ZNF208: variants seen among roughly 807,000 people sequenced by gnomAD.
ZNF208 encodes zinc finger protein 208.
A neutral mutation model predicts 12.1 loss-of-function variants in ZNF208; 10 were observed. The observed-to-expected ratio is 0.83, with a 90% CI of 0.51 to 1.40. ZNF208 has a LOEUF of 1.40. ZNF208 is among the 40% of genes most tolerant of loss of function. ZNF208 has a pLI of 0.00. For synonymous variants in ZNF208, 497 were observed against 488.4 expected (o/e 1.02, Z -0.23); for missense variants, 1,652 against 1,485.0 (o/e 1.11, Z -1.85).
chr19:21,945,114 C>T (rs1437200619), intron 4 of ZNF208, among the ~76,000 whole-genome samples: 1 of 152,174 alleles, frequency 6.6e-6, no homozygotes, highest in East Asian at 1.9e-4. Context: ...GCATGTACAG[C>T]TACTGTGTCC....
chr19:22,010,049 G>T (rs1450039073), intron 1 of ZNF208, among the ~76,000 whole-genome samples: 1 of 152,062 alleles, frequency 6.6e-6, no homozygotes, highest in Non-Finnish European at 1.5e-5. Context: ...ACCGAGCGTG[G>T]TGGCGGGCGG....
At chr19:21,974,921 A>G in intron 3 of ZNF208, 114 bp from the exon 4 acceptor site, 1 of 1,245,880 alleles carries the variant, frequency 8.0e-7, no homozygotes, top group South Asian at 1.9e-5. Flanking sequence ...ACACTGCAAT[A>G]TGACACAGGC....
In ZNF208 at chr19:21,966,761, C is replaced by T. The variant is rs1970177280; in HGVS notation, c.*4430G>A. 6.6e-6 allele frequency: 1 copy of T among 152,148 alleles called. No homozygotes were observed. The highest frequency in any genetic ancestry group is 1.5e-5 in the Non-Finnish European group (1 of 68,014). 9.4% of individuals were successfully genotyped at this position (152,148 alleles called of 1,614,324 possible). Reference sequence around the variant, plus strand: ...GATTTCCTTATCTCTACAACTTCAACATCTTATTTATCTTACTTTTAATAA... The same window carrying T: ...GATTTCCTTATCTCTACAACTTCAATATCTTATTTATCTTACTTTTAATAA... On this transcript the variant is annotated 3_prime_UTR_variant, in exon 4 of 4. Transcript: ENST00000397126.
At chr19:22,008,552 G>T (rs1021812252) in intron 1 of ZNF208, among the ~76,000 whole-genome samples, 9 of 145,918 alleles carry the variant, frequency 6.2e-5, no homozygotes, top group South Asian at 2.1e-4. Flanking sequence ...ACTGGGGTCA[G>T]TTTTTTTTTT....
chr19:21,956,311 C>G (rs1969975887), intron 4 of ZNF208, among the ~76,000 whole-genome samples: 1 of 114,052 alleles, frequency 8.8e-6, no homozygotes, highest in Non-Finnish European at 1.8e-5. Flanking sequence ...GGCAGTCTGT[C>G]CATTCTCATA....
chr19:22,010,614 C>A (rs1281174504), intron 1 of ZNF208, among the ~76,000 whole-genome samples, 178 bp downstream of exon 1: 1 of 152,196 alleles, frequency 6.6e-6, no homozygotes. Context: ...GCCCGGGGAC[C>A]GGGTGTCAGC....
chr19:21,971,613 A>T lies in ZNF208; in HGVS notation c.3421T>A (p.Tyr1141Asn). The stretch of plus-strand genomic sequence containing the variant: ...GCTTTGCCACATTCTTCACATTTGT[A>T]GGGTTTCTCTCCAGTATGAATTACC... ...HKVIHTGEKP[Y>N]KCEECGKAYK... The change falls in exon 4 of 4, where the codon TAC (tyrosine) becomes AAC (asparagine). Residue 1141 changes from tyrosine (Y) to asparagine (N), a missense_variant. By Grantham distance (143) the Tyr-to-Asn change is moderately radical (BLOSUM62 -2). Around this residue, in one of 3 missense-constraint regions of ZNF208, gnomAD observed 1,239 missense variants for 1,086.2 expected, o/e 1.14. Transcript: ENST00000397126. The T allele has an allele frequency of 1.9e-6, 3 of 1,612,492 alleles. No homozygotes were observed. Among genetic ancestry groups the T allele is most frequent in the Non-Finnish European group, 2.5e-6 (3 of 1,179,922 alleles).
chr19:21,963,073 T>C (rs8108540), downstream of ZNF208, among the ~76,000 whole-genome samples: 7,918 of 152,136 alleles, frequency 0.052, 692 homozygotes, highest in African/African-American at 0.18. Flanking sequence ...TTCCCCACTT[T>C]ATATCAGTGG....
intron 1 of ZNF208, chr19:21,991,621 T>G (rs1599627435): frequency 1.3e-5 from 2 of 151,346 alleles, no homozygotes; most frequent in South Asian, 2.1e-4. Context: ...ATGCCTGTAA[T>G]CCTAGCTACT....
intron 1 of ZNF208, chr19:21,998,970 G>A (rs1970890282): frequency 6.6e-6 from 1 of 150,678 alleles, no homozygotes; most frequent in South Asian, 2.1e-4. Context: ...TGTAATAGTA[G>A]CAAGCTAATT....
At chr19:21,951,626 A>G (rs976421041) in intron 4 of ZNF208, among the ~76,000 whole-genome samples, 8 of 152,234 alleles carry the variant, frequency 5.3e-5, no homozygotes, top group African/African-American at 1.9e-4. Context: ...GCTCATCTGT[A>G]CATATCAAAA....
rs1970279769 is a variant in ZNF208, at chr19:21,971,401, G to T, written c.3633C>A (p.Thr1211=). 1 of 1,609,546 alleles carries T rather than the reference G, an allele frequency of 6.2e-7. No homozygotes were observed. The highest frequency in any genetic ancestry group is 1.3e-5 in the African/African-American group (1 of 74,622). The stretch of plus-strand genomic sequence containing the variant: ...TATGAATTTTCTTGTGATATCTAAG[G>T]GTTGAGGGCCACTTATAGGCTTTGC... The part of the protein sequence containing the change: ...ECGKAYKWPS[T]LRYHKKIHTG... The change falls in exon 4 of 4, where the codon ACC becomes ACA. Residue 1211 remains threonine, a synonymous_variant. Coordinates refer to ENST00000397126, the MANE Select transcript of ZNF208 (RefSeq NM_007153.3).
rs143988685 is a variant in ZNF208, at chr19:21,956,654, C to G, written c.305+18075G>C. Among the ~76,000 whole-genome samples the G allele has an allele frequency of 5.6e-3, 850 of 152,308 alleles. 1 individual carries two copies. Among genetic ancestry groups the G allele is most frequent in the African/African-American group, 0.019 (795 of 41,578 alleles). ...CTGTGAGTCAGGTACTGGATATAAT[C>G]TCCTGGTGTGCCATTTGCTAAGACC... On this transcript the variant is annotated intron_variant, in intron 4 of 4. Transcript: ENST00000599916.
intron 1 of ZNF208, among the ~76,000 whole-genome samples, chr19:22,000,164 TAAC>T (rs1970918248): frequency 6.6e-6 from 1 of 152,134 alleles, no homozygotes; most frequent in South Asian, 2.1e-4. Context: ...AGAAGAAAAT[TAAC>T]AACAATATTA....
At position 21,970,925 on chromosome 19, in the gene ZNF208, C is replaced by T. The variant is rs1970267198; in HGVS notation, c.*266G>A. On this transcript the variant is annotated 3_prime_UTR_variant, in exon 4 of 4. Coordinates refer to ENST00000397126, the MANE Select transcript of ZNF208 (RefSeq NM_007153.3). Reference sequence around the variant, plus strand: ...TGAGGACCACTTATAGGCTTTGCCACATTCTTTGCATTTGTATGGTTTCTC... The same window carrying T: ...TGAGGACCACTTATAGGCTTTGCCATATTCTTTGCATTTGTATGGTTTCTC... 6.6e-6 allele frequency among the ~76,000 whole-genome samples: 1 copy of T among 151,590 alleles called. No individual in the cohort carries two copies. Among genetic ancestry groups the T allele is most frequent in the Admixed American group, 6.6e-5 (1 of 15,176 alleles).
intron 1 of ZNF208, among the ~76,000 whole-genome samples, chr19:21,999,678 A>C (rs894232361): frequency 1.8e-4 from 27 of 152,138 alleles, no homozygotes; most frequent in South Asian, 4.1e-4. Flanking sequence ...CAAAAAAAAA[A>C]CCAATATTTT....
In ZNF208 at chr19:21,949,405, G is replaced by A. The variant is rs79495137; in HGVS notation, c.306-16168C>T. Among the ~76,000 whole-genome samples, 1,462 of 152,188 alleles carry A rather than the reference G, an allele frequency of 9.6e-3. 12 individuals are homozygous for A. The highest frequency in any genetic ancestry group is 0.038 in the Middle Eastern group (11 of 292). On this transcript the variant is annotated intron_variant, in intron 4 of 4. Coordinates refer to the ZNF208 transcript ENST00000599916. ...TCTAGTCAGAAGATACAAGAACACC[G>A]GATAAAGAAAGAATTAAACTCATTT...
chr19:21,989,097 A>C (rs1230712425), intron 1 of ZNF208, among the ~76,000 whole-genome samples, 188 bp from the exon 2 acceptor site: 1 of 151,482 alleles, frequency 6.6e-6, no homozygotes, highest in East Asian at 1.9e-4. Context: ...TTTTTTAATT[A>C]TTATTATACT....
At position 21,971,637 on chromosome 19, in the gene ZNF208, C is replaced by T. The variant is rs574705171; in HGVS notation, c.3397G>A (p.Val1133Ile). 3.7e-6 allele frequency: 6 copies of T among 1,611,966 alleles called. No individual in the cohort carries two copies. In the South Asian group the frequency reaches 4.4e-5, roughly 12 times the overall value. ...TAGGGTTTCTCTCCAGTATGAATTACCTTATGTTTAGTAAGGATTGAGAAC... is the reference window on the plus strand; with the variant it reads ...TAGGGTTTCTCTCCAGTATGAATTATCTTATGTTTAGTAAGGATTGAGAAC... Reference protein sequence around the residue: ...STFSILTKHKVIHTGEKPYKC... With the variant: ...STFSILTKHKIIHTGEKPYKC... The change falls in exon 4 of 4, where the codon GTA (valine) becomes ATA (isoleucine). Residue 1133 changes from valine (V) to isoleucine (I), a missense_variant. By Grantham distance (29) the Val-to-Ile change is conservative (BLOSUM62 3). Coordinates refer to ENST00000397126, the MANE Select transcript of ZNF208 (RefSeq NM_007153.3).
Sources: allele counts gnomAD v4.1 joint callset (sites outside exome capture counted in the v4.1 genomes callset), GRCh38; gene constraint gnomAD v4.1.1; regional missense constraint gnomAD v4.1.1; transcripts MANE v1.5; gene names NCBI Gene and HGNC (gene_info 2026-07-23, HGNC 2026-07-21).